The following NIN variants were observed in gnomAD, a reference collection of about 807,000 sequenced individuals.
NIN encodes the protein glycogen synthase kinase 3 beta-interacting protein.
A neutral mutation model predicts 257.6 loss-of-function variants in NIN; 137 were observed. The ratio of observed to expected loss-of-function variants is 0.53; its 90% CI spans 0.46 to 0.61. The LOEUF is 0.61. Among genes scored for constraint, NIN ranks in the 20% least tolerant of loss-of-function variants. NIN has a pLI of 0.00. For synonymous variants in NIN, 918 were observed against 919.8 expected (o/e 1.00, Z 0.04); for missense variants, 2,439 against 2,501.2 (o/e 0.98, Z 0.53).
intron 5 of NIN, among the ~76,000 whole-genome samples, chr14:50,783,959 GA>G (rs35487960): frequency 6.6e-6 from 1 of 152,040 alleles, no homozygotes; most frequent in Non-Finnish European, 1.5e-5. Flanking sequence ...AAGTAGGGGG[GA>G]AAGCGAGGAA....
At chr14:50,815,910 G>A (rs1237284531) in intron 3 of NIN, among the ~76,000 whole-genome samples, 1 of 152,166 alleles carries the variant, frequency 6.6e-6, no homozygotes, top group Non-Finnish European at 1.5e-5. Context: ...TCGGGAGGCT[G>A]AGGCAGAATT....
rs150549535 is a variant in NIN, at chr14:50,767,491, A to G, written c.1435-601T>C. Among the ~76,000 whole-genome samples the G allele has an allele frequency of 3.3e-5, 5 of 152,356 alleles. No homozygotes were observed. The East Asian group carries it at 9.6e-4, about 29-fold the overall frequency. ...TTACAAAATACCTTGTTCAGCTGCC[A>G]GCAAAAGAGAACTCAGAAAAAGTAT... is the stretch of plus-strand genomic sequence containing the variant. On this transcript the variant is annotated intron_variant, in intron 12 of 30. Coordinates refer to ENST00000530997, the MANE Select transcript of NIN (RefSeq NM_020921.4).
At chr14:50,830,202 G>A (rs2045638702) in intron 2 of NIN, among the ~76,000 whole-genome samples, 1 of 152,324 alleles carries the variant, frequency 6.6e-6, no homozygotes, top group East Asian at 1.9e-4. Context: ...GGGGACTCAA[G>A]CCTGCTCTCG....
At chr14:50,768,616 G>C (rs576933397) in intron 12 of NIN, among the ~76,000 whole-genome samples, 1 of 152,164 alleles carries the variant, frequency 6.6e-6, no homozygotes, top group African/African-American at 2.4e-5. Context: ...AGTGGGGTGG[G>C]GGAGGGCATG....
chr14:50,770,959 C>A lies in NIN; in HGVS notation c.1152G>T (p.Glu384Asp), dbSNP rs1458428432. The change falls in exon 11 of 31, where the codon GAG becomes GAT. Residue 384 changes from glutamate (E) to aspartate (D), a missense_variant. Transcript: ENST00000530997. The stretch of plus-strand genomic sequence containing the variant: ...CCTTGTCCAGATCTGACCGTAGCTT[C>A]TCTTTTTCTCTGACCACCTGATCAA... ...ERVDQVVREK[E>D]KLRSDLDKAE... 6.2e-7 allele frequency: 1 copy of A among 1,614,166 alleles called. No individual in the cohort carries two copies. The highest frequency in any genetic ancestry group is 1.1e-5 in the South Asian group (1 of 91,084).
At position 50,806,792 on chromosome 14, in the gene NIN, T is replaced by C; in HGVS notation, c.210A>G (p.Ala70=). 1 of 1,572,386 alleles carries C rather than the reference T, an allele frequency of 6.4e-7. No homozygotes were observed. The highest frequency in any genetic ancestry group is 8.7e-7 in the Non-Finnish European group (1 of 1,144,494). ...GRVHFDQFKE[A]LILILSRTLS... is the part of the protein sequence containing the mutation. ...GAGTTCTGGACAAGATGAGTATTAATGCTTCTTTAAATTGGTCAAAATGTA... is the reference window on the plus strand; with the variant it reads ...GAGTTCTGGACAAGATGAGTATTAACGCTTCTTTAAATTGGTCAAAATGTA... The change falls in exon 4 of 31, where the codon GCA becomes GCG. Residue 70 remains alanine (A), a synonymous_variant. Transcript: ENST00000530997.
rs755736906 is a variant in NIN at position 50,757,695 on chromosome 14, G to A, written c.3335C>T (p.Ala1112Val). The change falls in exon 18 of 31, where the codon GCT becomes GTT. Residue 1112 changes from alanine to valine, a missense_variant. By Grantham distance (64) the Ala-to-Val change is moderately conservative. Coordinates refer to ENST00000530997, the MANE Select transcript of NIN (RefSeq NM_020921.4). ...CGCAGTATTTCCAAAAAACTCAGTA[G>A]CTGGCTCATCCAAACAAGAAGACAT... ...LVMSSCLDEP[A>V]TEFFGNTAEQ... 1.2e-6 allele frequency: 2 copies of A among 1,614,142 alleles called. No homozygotes were observed. Among genetic ancestry groups the A allele is most frequent in the South Asian group, 1.1e-5 (1 of 91,088 alleles).
chr14:50,773,124 T>C (rs745643586), intron 7 of NIN, 29 bp from the exon 8 acceptor site: 133 of 1,596,482 alleles, frequency 8.3e-5, no homozygotes, highest in Non-Finnish European at 1.1e-4. Context: ...ATATTTTAAA[T>C]ACTCCATTCA....
rs533112046 is a variant in NIN, at chr14:50,819,648, A to G, written c.183+2226T>C. 1.1e-3 allele frequency among the ~76,000 whole-genome samples: 167 copies of G among 152,308 alleles called. 1 individual carries two copies. Among genetic ancestry groups the G allele is most frequent in the African/African-American group, 3.9e-3 (161 of 41,560 alleles). On this transcript the variant is annotated intron_variant, in intron 3 of 30. Coordinates refer to ENST00000530997, the MANE Select transcript of NIN (RefSeq NM_020921.4). ...GTATGTCTTTATCAGCAGCGTGAAAACGGACTAATACAGATCCCATGCCAT... is the reference window on the plus strand; with the variant it reads ...GTATGTCTTTATCAGCAGCGTGAAAGCGGACTAATACAGATCCCATGCCAT...
chr14:50,746,611 T>C (rs150647825), intron 22 of NIN, among the ~76,000 whole-genome samples: 2 of 152,350 alleles, frequency 1.3e-5, no homozygotes, highest in African/African-American at 4.8e-5. Context: ...GAGACAGATG[T>C]TAAGAATGAA....
At position 50,746,555 on chromosome 14, in the gene NIN, A is replaced by G. The variant is rs543333876; in HGVS notation, c.5064+1437T>C. ...ACATAATACCAGATTTATAGACTCAATGTTTCCACATTCAGGAAAGGACAA... is the reference window on the plus strand; with the variant it reads ...ACATAATACCAGATTTATAGACTCAGTGTTTCCACATTCAGGAAAGGACAA... On this transcript the variant is annotated intron_variant, in intron 22 of 30. Transcript: ENST00000530997. 2.0e-5 allele frequency among the ~76,000 whole-genome samples: 3 copies of G among 152,354 alleles called. No individual in the cohort carries two copies. In the South Asian group the frequency reaches 6.2e-4, roughly 32 times the overall value.
Position 50,727,458 on chromosome 14 carries a change from T to G in NIN, c.6079-1392A>C, listed in dbSNP as rs1293484959. On this transcript the variant is annotated intron_variant, in intron 29 of 30. Coordinates refer to ENST00000530997, the MANE Select transcript of NIN (RefSeq NM_020921.4). ...CTTTAAAGGGTATAAATAAAATGAT[T>G]TGTAACAAGCTGATGTTTGTGAATT... The G allele has an allele frequency of 4.3e-6, 5 of 1,173,882 alleles. No homozygotes were observed. In the African/African-American group the frequency reaches 6.3e-5, roughly 15 times the overall value. 72.7% of individuals were successfully genotyped at this position (1,173,882 alleles called of 1,614,324 possible).
Position 50,758,433 on chromosome 14 carries a change from G to C in NIN, c.2597C>G (p.Thr866Ser). Residue 866 changes from threonine to serine, a missense_variant, in exon 18 of 31, where the codon ACC (threonine) becomes AGC (serine). Thr to Ser is a moderately conservative substitution (Grantham distance 58). This residue lies in a region of NIN where 2,043 missense variants were observed against 2,050.2 expected (regional missense o/e 1.00). Coordinates refer to ENST00000530997, the MANE Select transcript of NIN (RefSeq NM_020921.4). ...SQWEFEKDEL[T>S]QECAEAQELL... ...CTCCTGGGCTTCCGCACACTCCTGG[G>C]TGAGCTCGTCCTTCTCAAATTCCCA... is the stretch of plus-strand genomic sequence containing the variant. 1 of 1,614,194 alleles carries C rather than the reference G, an allele frequency of 6.2e-7. No individual in the cohort carries two copies. Among genetic ancestry groups the C allele is most frequent in the Non-Finnish European group, 8.5e-7 (1 of 1,180,030 alleles).
At chr14:50,737,827 A>G (rs993229337) in intron 27 of NIN, among the ~76,000 whole-genome samples, 2 of 151,728 alleles carry the variant, frequency 1.3e-5, no homozygotes, top group African/African-American at 4.8e-5. Context: ...GTGTTTTTTT[A>G]GTAGAGATGG....
intron 5 of NIN, among the ~76,000 whole-genome samples, chr14:50,784,163 T>G (rs1015541399): frequency 4.6e-5 from 7 of 152,230 alleles, no homozygotes; most frequent in African/African-American, 1.7e-4. Flanking sequence ...GTCTGGGTTG[T>G]TTGGCTCTGC....
At chr14:50,798,761 GCA>G (rs2043953306) in intron 4 of NIN, among the ~76,000 whole-genome samples, 2 of 152,290 alleles carry the variant, frequency 1.3e-5, no homozygotes, top group East Asian at 3.9e-4. Flanking sequence ...TTAGTGTGAT[GCA>G]CACTGTCCAT....
chr14:50,743,720 T>C (rs922446559), intron 23 of NIN, among the ~76,000 whole-genome samples, 191 bp from the exon 24 acceptor site: 2 of 152,160 alleles, frequency 1.3e-5, no homozygotes, highest in African/African-American at 2.4e-5. Flanking sequence ...CACGTCTAAT[T>C]TTGAGGAGTT....
In NIN at chr14:50,756,712, A is replaced by G; in HGVS notation, c.4318T>C (p.Phe1440Leu). The change falls in exon 18 of 31, where the codon TTT becomes CTT. Residue 1440 changes from phenylalanine to leucine, a missense_variant. Physicochemically the swap from Phe to Leu is conservative, Grantham distance 22 (BLOSUM62 0). Coordinates refer to ENST00000530997, the MANE Select transcript of NIN (RefSeq NM_020921.4). The part of the protein sequence containing the change: ...ILEENTTLLG[F>L]QDKHFQHQAT... The stretch of plus-strand genomic sequence containing the variant: ...TGATGCTGAAAATGTTTGTCTTGAA[A>G]GCCTAGGAGAGTAGTGTTTTCCTCC... 6.4e-7 allele frequency: 1 copy of G among 1,551,634 alleles called. No individual in the cohort carries two copies. The highest frequency in any genetic ancestry group is 8.7e-7 in the Non-Finnish European group (1 of 1,146,980).
In NIN at chr14:50,800,021, C is replaced by T. The variant is rs1020978317; in HGVS notation, c.265+6716G>A. Among the ~76,000 whole-genome samples, 16 of 64,700 alleles carry T rather than the reference C, an allele frequency of 2.5e-4. 1 individual carries two copies. The South Asian group carries it at 2.6e-3, about 11-fold the overall frequency. 42.4% of individuals were successfully genotyped at this position (64,700 alleles called of 152,430 possible). Reference sequence around the variant, plus strand: ...ATATATACACATACACACACACACACACACACACACACACACACACACACA... The same window carrying T: ...ATATATACACATACACACACACACATACACACACACACACACACACACACA... On this transcript the variant is annotated intron_variant, in intron 4 of 30. Transcript: ENST00000530997.
Sources: allele counts gnomAD v4.1 joint callset (sites outside exome capture counted in the v4.1 genomes callset), GRCh38; gene constraint gnomAD v4.1.1; regional missense constraint gnomAD v4.1.1; transcripts MANE v1.5; gene names NCBI Gene and HGNC (gene_info 2026-07-23, HGNC 2026-07-21).